CDH4: variants seen among roughly 807,000 people sequenced by gnomAD.
CDH4 encodes cadherin 4, also known as cadherin-4.
Under a neutral mutation model 86.0 loss-of-function variants are expected in CDH4, and 33 were observed. That is an observed-to-expected ratio of 0.38 (90% CI 0.29 to 0.51). CDH4 has a LOEUF of 0.51. CDH4 is among the 20% of genes least tolerant of loss of function. The pLI, the probability that CDH4 is intolerant of heterozygous loss-of-function variation, is 0.86. For synonymous variants in CDH4, 555 were observed against 549.4 expected, an observed-to-expected ratio of 1.01 and a Z score of -0.14; for missense variants, 1,114 against 1,307.4, an observed-to-expected ratio of 0.85 and a Z score of 2.28.
In CDH4 at chr20:61,684,218, G is replaced by A. The variant is rs114573276; in HGVS notation, c.170-59345G>A. The stretch of plus-strand genomic sequence containing the variant: ...GCCGTTGCTGCTGGTGAAGGAGGCC[G>A]TCGGAGTGCTGTGAATGAGGGGGAC... On this transcript the variant is annotated intron_variant, in intron 2 of 15. Coordinates refer to ENST00000614565, the MANE Select transcript of CDH4 (RefSeq NM_001794.5). The surrounding 1 kb of genome is among the most constrained non-coding windows in gnomAD (Gnocchi z 4.5). Among the ~76,000 whole-genome samples, 7,831 of 152,288 alleles carry A rather than the reference G, an allele frequency of 0.051. 358 individuals are homozygous for A. The highest frequency in any genetic ancestry group is 0.13 in the South Asian group (647 of 4,820).
chr20:61,713,175 A>T (rs908468720), intron 2 of CDH4, among the ~76,000 whole-genome samples: 3 of 152,198 alleles, frequency 2.0e-5, no homozygotes, highest in African/African-American at 7.2e-5. Flanking sequence ...TGCTTTTGAA[A>T]TGTATCTGCA....
chr20:61,772,710 A>G (rs2088788119), intron 3 of CDH4, among the ~76,000 whole-genome samples: 2 of 152,166 alleles, frequency 1.3e-5, no homozygotes, highest in South Asian at 2.1e-4. Context: ...CCCTGTCTAC[A>G]CTATTGGTGA....
Position 61,804,403 on chromosome 20 carries a change from C to T in CDH4, c.576+31221C>T, listed in dbSNP as rs919868628. 5.3e-5 allele frequency among the ~76,000 whole-genome samples: 8 copies of T among 152,342 alleles called. 1 individual carries two copies. The highest frequency in any genetic ancestry group is 2.0e-4 in the Admixed American group (3 of 15,312). ...TCCATGCTGTCTGACCACCCCTCTC[C>T]GCCGTCCAGCCTCTGCATCTGGCCT... On this transcript the variant is annotated intron_variant, in intron 4 of 15. Transcript: ENST00000614565.
At chr20:61,712,601 G>A (rs541411290) in intron 2 of CDH4, among the ~76,000 whole-genome samples, 6 of 152,194 alleles carry the variant, frequency 3.9e-5, no homozygotes, top group African/African-American at 1.2e-4. Context: ...TTAAAGCCTG[G>A]ATCAAATAAC....
intron 2 of CDH4, among the ~76,000 whole-genome samples, chr20:61,534,661 C>T (rs141874724): frequency 0.015 from 1,359 of 88,706 alleles, 116 homozygotes; most frequent in East Asian, 0.079. Context: ...TTCTTTCTTT[C>T]TTTCTTTTTT....
intron 2 of CDH4, among the ~76,000 whole-genome samples, chr20:61,590,159 G>A (rs1403329346): frequency 6.9e-6 from 1 of 144,798 alleles, no homozygotes; most frequent in Non-Finnish European, 1.5e-5. Flanking sequence ...GGAGATGGAC[G>A]TGGAGGGATG....
At chr20:61,899,705 G>T (rs1159325895) in intron 8 of CDH4, among the ~76,000 whole-genome samples, 3 of 152,200 alleles carry the variant, frequency 2.0e-5, no homozygotes, top group African/African-American at 4.8e-5. Flanking sequence ...GGGATTACAG[G>T]TGTGAGCCAC....
At chr20:61,888,086 G>T (rs187959353) in intron 7 of CDH4, among the ~76,000 whole-genome samples, 15 of 152,344 alleles carry the variant, frequency 9.8e-5, no homozygotes, top group African/African-American at 3.4e-4. Flanking sequence ...TCCACAGCGA[G>T]GCTGCCTGCT....
intron 2 of CDH4, among the ~76,000 whole-genome samples, chr20:61,598,573 G>T (rs1324951539): frequency 6.6e-6 from 1 of 152,202 alleles, no homozygotes; most frequent in Admixed American, 6.5e-5. Flanking sequence ...GCAGTAAGGT[G>T]TGGAGATACC....
At chr20:61,421,584 CT>C (rs1479011153) in intron 2 of CDH4, among the ~76,000 whole-genome samples, 1 of 151,080 alleles carries the variant, frequency 6.6e-6, no homozygotes, top group African/African-American at 2.4e-5. Context: ...ACAGAGCCCC[CT>C]TGTGAAAATC....
intron 2 of CDH4, chr20:61,600,049 T>A: frequency 1.4e-6 from 1 of 726,302 alleles, no homozygotes; most frequent in South Asian, 6.2e-5. Flanking sequence ...AGAGCCTCTC[T>A]ATTTGAACAG....
chr20:61,854,816 T>TTG (rs1982918773), intron 6 of CDH4, among the ~76,000 whole-genome samples: 1 of 147,334 alleles, frequency 6.8e-6, no homozygotes. Flanking sequence ...ACAGGGTGAA[T>TTG]TGCGCCCTTG....
intron 2 of CDH4, among the ~76,000 whole-genome samples, chr20:61,698,683 T>G (rs1028309798): frequency 1.3e-5 from 2 of 152,216 alleles, no homozygotes; most frequent in African/African-American, 2.4e-5. Context: ...GAGTCTCAGC[T>G]GTGGGGCGTG....
intron 2 of CDH4, among the ~76,000 whole-genome samples, chr20:61,685,103 A>G (rs2087559796): frequency 6.6e-6 from 1 of 152,120 alleles, no homozygotes; most frequent in Non-Finnish European, 1.5e-5. Context: ...GCCCCATCCC[A>G]ACAGCCACAA....
chr20:61,642,549 G>T (rs2145803740), intron 2 of CDH4, among the ~76,000 whole-genome samples: 1 of 152,344 alleles, frequency 6.6e-6, no homozygotes, highest in African/African-American at 2.4e-5. Flanking sequence ...ACAGGATCTG[G>T]TGGGCAGTTT....
intron 2 of CDH4, among the ~76,000 whole-genome samples, chr20:61,383,410 A>G (rs796526782): frequency 1.5e-5 from 1 of 66,798 alleles, no homozygotes; most frequent in Admixed American, 2.0e-4. Context: ...ATATGAATAT[A>G]TATGATATAT....
At chr20:61,263,430 A>C (rs2084138832) in intron 2 of CDH4, among the ~76,000 whole-genome samples, 3 of 152,158 alleles carry the variant, frequency 2.0e-5, no homozygotes, top group Non-Finnish European at 4.4e-5. Flanking sequence ...CCCCCACATC[A>C]GGGGCCAGGA....
At chr20:61,349,089 T>G (rs2084695536) in intron 2 of CDH4, among the ~76,000 whole-genome samples, 1 of 152,224 alleles carries the variant, frequency 6.6e-6, no homozygotes, top group South Asian at 2.1e-4. Flanking sequence ...ATCCAGGGTT[T>G]TGTGCTTGGA....
In CDH4 at chr20:61,873,876, A is replaced by G; in HGVS notation, c.1026A>G (p.Thr342=). The part of the protein sequence containing the change: ...TINSETGDIV[T]VAAGLDREKV... ...ACAGCGAGACTGGAGATATCGTCACAGTGGCGGCTGGCCTGGACCGAGAGG... is the reference window on the plus strand; with the variant it reads ...ACAGCGAGACTGGAGATATCGTCACGGTGGCGGCTGGCCTGGACCGAGAGG... The change falls in exon 7 of 16, where the codon ACA becomes ACG. Residue 342 remains threonine (T), a synonymous_variant. Transcript: ENST00000614565. The G allele has an allele frequency of 6.2e-7, 1 of 1,613,932 alleles. No homozygotes were observed. The highest frequency in any genetic ancestry group is 1.7e-5 in the Admixed American group (1 of 60,034).
Sources: allele counts gnomAD v4.1 joint callset (sites outside exome capture counted in the v4.1 genomes callset), GRCh38; gene constraint gnomAD v4.1.1; non-coding constraint Gnocchi (gnomAD v3.1); transcripts MANE v1.5; gene names NCBI Gene and HGNC (gene_info 2026-07-23, HGNC 2026-07-21).